Variants in USP7 observed in about 807,000 individuals in gnomAD.
USP7 encodes the protein ubiquitin specific peptidase 7.
In USP7, 9 loss-of-function variants were observed where a neutral mutation model predicts 162.9. That is an observed-to-expected ratio of 0.06 (90% CI 0.03 to 0.10). The LOEUF is 0.10. USP7 is among the 10% of genes least tolerant of loss of function. The probability of loss-of-function intolerance (pLI) is 1.00; values close to 1 mark genes in which losing one functional copy is unlikely to be tolerated. For missense variants in USP7, 715 were observed against 1,373.7 expected (o/e 0.52, Z 7.58); for synonymous variants, 562 against 475.9 (o/e 1.18, Z -2.35).
At chr16:8,901,743 C>T (rs527533678) in intron 18 of USP7, among the ~76,000 whole-genome samples, 24 of 152,288 alleles carry the variant, frequency 1.6e-4, no homozygotes, top group Non-Finnish European at 2.6e-4. Context: ...GACAGAAAGG[C>T]CTGAAACGCC....
rs1029807073 is a variant in USP7 at position 8,893,422 on chromosome 16, A to C, written c.*576T>G. The stretch of plus-strand genomic sequence containing the variant: ...AGACAGTAGTGGCTGACGAGGTGAG[A>C]CAAGTTTATTAAAAAGCCCCCAGGC... On this transcript the variant is annotated 3_prime_UTR_variant, in exon 31 of 31. Coordinates refer to ENST00000344836, the MANE Select transcript of USP7 (RefSeq NM_003470.3). 1 of 154,348 alleles carries C rather than the reference A, an allele frequency of 6.5e-6. No individual in the cohort carries two copies. The highest frequency in any genetic ancestry group is 1.4e-5 in the Non-Finnish European group (1 of 69,380). 9.6% of individuals were successfully genotyped at this position (154,348 alleles called of 1,614,324 possible).
chr16:8,933,834 C>G (rs1454730770), intron 1 of USP7, among the ~76,000 whole-genome samples: 1 of 151,664 alleles, frequency 6.6e-6, no homozygotes, highest in Non-Finnish European at 1.5e-5. Flanking sequence ...CAGCTCACTG[C>G]AGCCTCCATC....
At chr16:8,934,411 A>G (rs1418188493) in intron 1 of USP7, among the ~76,000 whole-genome samples, 1 of 152,272 alleles carries the variant, frequency 6.6e-6, no homozygotes, top group East Asian at 1.9e-4. Context: ...TCCAAAAGTT[A>G]CAGCAATAAT....
chr16:8,899,751 G>A lies in USP7; in HGVS notation c.2316C>T (p.Asp772=). The change falls in exon 22 of 31, where the codon GAC becomes GAT. Residue 772 remains aspartate (D), a synonymous_variant. Transcript: ENST00000344836. ...DGDIIVFQKD[D]PENDNSELPT... ...GTAATTCACTGTTATCATTTTCAGG[G>A]TCATCCCTGGTGGAGGGAGAAAGTT... The A allele has an allele frequency of 3.5e-5, 56 of 1,614,194 alleles. No individual in the cohort carries two copies. The highest frequency in any genetic ancestry group is 4.7e-5 in the Non-Finnish European group (56 of 1,180,042).
chr16:8,923,580 T>C (rs372992267), intron 2 of USP7, among the ~76,000 whole-genome samples, 167 bp from the exon 3 acceptor site: 70 of 152,196 alleles, frequency 4.6e-4, no homozygotes, highest in African/African-American at 1.7e-3. Flanking sequence ...TGAGATAACA[T>C]ACAGTTTCTG....
At chr16:8,934,323 C>G (rs904722169) in intron 1 of USP7, among the ~76,000 whole-genome samples, 3 of 152,158 alleles carry the variant, frequency 2.0e-5, no homozygotes, top group Non-Finnish European at 4.4e-5. Flanking sequence ...GCAGTGAAAT[C>G]AGACTGAGAC....
At chr16:8,920,294 C>T in intron 5 of USP7, 65 bp downstream of exon 5, 1 of 1,422,782 alleles carries the variant, frequency 7.0e-7, no homozygotes, top group Non-Finnish European at 9.8e-7. Flanking sequence ...TACATGCACG[C>T]TAAAGCTTCT....
At chr16:8,936,608 A>T in intron 1 of USP7, 1 of 1,558,258 alleles carries the variant, frequency 6.4e-7, no homozygotes, top group Admixed American at 1.8e-5. Flanking sequence ...TGTGGTTCCC[A>T]GCCATCTCTG....
chr16:8,912,433 G>A (rs2061961579), intron 10 of USP7, among the ~76,000 whole-genome samples: 1 of 147,600 alleles, frequency 6.8e-6, no homozygotes, highest in African/African-American at 2.5e-5. Flanking sequence ...CGGGGCGACA[G>A]AGTGAGACTC....
intron 21 of USP7, among the ~76,000 whole-genome samples, 189 bp downstream of exon 21, chr16:8,900,341 A>G (rs1043180046): frequency 6.6e-6 from 1 of 152,220 alleles, no homozygotes; most frequent in South Asian, 2.1e-4. Context: ...AATTGAGAAG[A>G]GCTTTATGAG....
intron 1 of USP7, among the ~76,000 whole-genome samples, chr16:8,934,927 A>C (rs1424273013): frequency 6.6e-6 from 1 of 152,238 alleles, no homozygotes; most frequent in African/African-American, 2.4e-5. Flanking sequence ...AGAGGATTAA[A>C]ATTTTAATTA....
rs1198225682 is a variant in USP7, at chr16:8,923,421, A to T, written c.185-8T>A. 3.1e-6 allele frequency: 5 copies of T among 1,613,978 alleles called. No homozygotes were observed. In the South Asian group the frequency reaches 5.5e-5, roughly 18 times the overall value. On this transcript the variant is annotated splice_region_variant and splice_polypyrimidine_tract_variant and intron_variant, in intron 2 of 30. Coordinates refer to ENST00000344836, the MANE Select transcript of USP7 (RefSeq NM_003470.3). ...CGGAGCGCCAACTGGTGTCTGCAAA[A>T]AAAACACATCATCAGTCACAGAGCC...
intron 1 of USP7, chr16:8,962,660 GACA>G (rs944452812): frequency 5.2e-5 from 11 of 211,500 alleles, no homozygotes; most frequent in South Asian, 3.1e-4. Flanking sequence ...TCCAAAACCT[GACA>G]ACATCTGCGT....
intron 5 of USP7, 85 bp downstream of exon 5, chr16:8,920,274 G>C: frequency 8.6e-7 from 1 of 1,156,172 alleles, no homozygotes; most frequent in Non-Finnish European, 1.3e-6. Flanking sequence ...TTAAATATGT[G>C]CATCTCTATT....
chr16:8,929,284 C>T (rs532560337), intron 2 of USP7: 2 of 341,980 alleles, frequency 5.8e-6, no homozygotes, highest in Admixed American at 8.0e-5. Context: ...ACCAGCGAGA[C>T]CACACCCACA....
chr16:8,894,537 G>GC lies in USP7; in HGVS notation c.3202+12_3202+13insG. ...AAACCCACACCAGCCCCCGGGGGGG[G>GC]GAGAACCCTTACCGGGCTGTGGCTC... On this transcript the variant is annotated intron_variant, in intron 30 of 30. Transcript: ENST00000344836. 1 of 1,610,434 alleles carries GC rather than the reference G, an allele frequency of 6.2e-7. No homozygotes were observed. Among genetic ancestry groups the GC allele is most frequent in the South Asian group, 1.1e-5 (1 of 90,950 alleles).
chr16:8,932,323 T>C (rs1898403566), intron 1 of USP7, among the ~76,000 whole-genome samples: 3 of 152,182 alleles, frequency 2.0e-5, no homozygotes, highest in South Asian at 4.1e-4. Flanking sequence ...CCTAGCACTC[T>C]GGGAGGCAAA....
At chr16:8,936,297 A>G (rs1898718659) in intron 1 of USP7, among the ~76,000 whole-genome samples, 1 of 151,924 alleles carries the variant, frequency 6.6e-6, no homozygotes, top group South Asian at 2.1e-4. Flanking sequence ...CCTACAGCCC[A>G]TCTCACCCCG....
chr16:8,920,201 AC>A (rs1897611417), intron 5 of USP7, among the ~76,000 whole-genome samples, 157 bp downstream of exon 5: 1 of 152,240 alleles, frequency 6.6e-6, no homozygotes, highest in Admixed American at 6.5e-5. Context: ...AATCTGTTAA[AC>A]GAGTGTCAAG....
Sources: allele counts gnomAD v4.1 joint callset (sites outside exome capture counted in the v4.1 genomes callset), GRCh38; gene constraint gnomAD v4.1.1; transcripts MANE v1.5; gene names NCBI Gene and HGNC (gene_info 2026-07-23, HGNC 2026-07-21).